Variants in RBFOX1 observed in about 807,000 individuals in gnomAD.
The protein encoded by RBFOX1 is RNA binding protein fox-1 homolog 1.
A neutral mutation model predicts 57.7 loss-of-function variants in RBFOX1; 8 were observed. That is an observed-to-expected ratio of 0.14 (90% CI 0.08 to 0.25). The LOEUF (loss-of-function observed/expected upper bound fraction) is 0.25, where lower values mean the gene tolerates loss of function less well. Ranked by LOEUF, RBFOX1 falls within the 10% of genes least tolerant of loss-of-function variation. The pLI is 1.00. For missense variants in RBFOX1, 611 were observed against 548.5 expected (o/e 1.11, Z -1.14); for synonymous variants, 326 against 222.4 (o/e 1.47, Z -4.15).
intron 3 of RBFOX1, among the ~76,000 whole-genome samples, chr16:5,722,824 C>G (rs564332377): frequency 6.6e-6 from 1 of 152,318 alleles, no homozygotes; most frequent in Admixed American, 6.5e-5. Context: ...TCTGAGGAGT[C>G]TCCCAAGACC....
intron 3 of RBFOX1, among the ~76,000 whole-genome samples, chr16:6,679,462 T>G (rs185050118): frequency 2.6e-5 from 4 of 152,262 alleles, no homozygotes; most frequent in Non-Finnish European, 1.5e-5. Context: ...CACTTTCCTT[T>G]CTTTGACCTG....
chr16:6,690,154 A>C (rs1170947028), intron 3 of RBFOX1, among the ~76,000 whole-genome samples: 1 of 152,220 alleles, frequency 6.6e-6, no homozygotes, highest in Non-Finnish European at 1.5e-5. Context: ...CTAGCTTATA[A>C]GGATTGAATA....
At chr16:6,330,452 G>C (rs1298180683) in intron 2 of RBFOX1, among the ~76,000 whole-genome samples, 1 of 152,164 alleles carries the variant, frequency 6.6e-6, no homozygotes, top group Non-Finnish European at 1.5e-5. Flanking sequence ...TGAAGGCTTT[G>C]AAAAGGGATA....
At chr16:6,218,126 T>C (rs1310923396) in intron 1 of RBFOX1, among the ~76,000 whole-genome samples, 2 of 152,166 alleles carry the variant, frequency 1.3e-5, no homozygotes, top group Non-Finnish European at 2.9e-5. Context: ...ATGAGTCCCA[T>C]ACACATTATT....
chr16:6,417,022 AT>A (rs938382932), intron 2 of RBFOX1, among the ~76,000 whole-genome samples: 2 of 151,436 alleles, frequency 1.3e-5, no homozygotes, highest in African/African-American at 4.8e-5. Flanking sequence ...CTTTCTTTTT[AT>A]TTTTTTGAGA....
chr16:5,898,545 C>G (rs1203052765), intron 4 of RBFOX1, among the ~76,000 whole-genome samples: 1 of 147,534 alleles, frequency 6.8e-6, no homozygotes, highest in Non-Finnish European at 1.5e-5. Context: ...TTTTGGTCAT[C>G]TACATGTAAA....
At chr16:6,412,677 T>C (rs1011366863) in intron 2 of RBFOX1, among the ~76,000 whole-genome samples, 2 of 152,232 alleles carry the variant, frequency 1.3e-5, no homozygotes, top group Non-Finnish European at 2.9e-5. Flanking sequence ...TATTTCTTTT[T>C]AGAAGAAAAT....
Position 5,248,964 on chromosome 16 carries a change from G to A in RBFOX1, c.219+8859G>A, listed in dbSNP as rs377192838. ...GATTGTGCCAGTGCACTCCAGCCTG[G>A]ACAACAGAGCAAGACTCCATCTCAA... On this transcript the variant is annotated intron_variant, in intron 1 of 2. Coordinates refer to the RBFOX1 transcript ENST00000585867. 3.3e-3 allele frequency among the ~76,000 whole-genome samples: 400 copies of A among 120,844 alleles called. 3 individuals carry two copies. The Middle Eastern group carries it at 0.1, about 31-fold the overall frequency. The allele number at this position is 120,844 out of a possible 152,430, so 79.3% of individuals were successfully genotyped here. A position where few individuals can be genotyped will look rare whatever the true frequency, so the allele number is the denominator to read the frequency against.
chr16:6,716,467 T>C (rs932997422), intron 3 of RBFOX1, among the ~76,000 whole-genome samples: 11 of 152,234 alleles, frequency 7.2e-5, no homozygotes, highest in Admixed American at 2.6e-4. Flanking sequence ...ATTTTCCATA[T>C]TTTTGGCTAA....
At chr16:6,020,088 C>G (rs2095037598) in intron 1 of RBFOX1, 96 bp downstream of exon 1, 1 of 1,291,590 alleles carries the variant, frequency 7.7e-7, no homozygotes, top group African/African-American at 1.5e-5. Context: ...TCCCCGAGAA[C>G]TGGCCTCCTC....
At chr16:7,190,397 C>G (rs934837524) in intron 4 of RBFOX1, among the ~76,000 whole-genome samples, 3 of 152,132 alleles carry the variant, frequency 2.0e-5, no homozygotes, top group Admixed American at 1.3e-4. Flanking sequence ...AAAAATAAAA[C>G]TTCCCTCATT....
chr16:6,494,619 A>T (rs902991510), intron 2 of RBFOX1, among the ~76,000 whole-genome samples: 1 of 152,228 alleles, frequency 6.6e-6, no homozygotes, highest in Admixed American at 6.5e-5. Flanking sequence ...TGACCATCAC[A>T]CATAAAGCTG....
chr16:7,269,031 C>G (rs1369676176), intron 4 of RBFOX1, among the ~76,000 whole-genome samples: 1 of 118,506 alleles, frequency 8.4e-6, no homozygotes, highest in Admixed American at 1.0e-4. Context: ...AGTGAGACTC[C>G]ATCTTCCATC....
At chr16:6,523,238 T>C (rs997021669) in intron 2 of RBFOX1, among the ~76,000 whole-genome samples, 6 of 151,414 alleles carry the variant, frequency 4.0e-5, no homozygotes, top group African/African-American at 1.5e-4. Context: ...ACTTGGGAAA[T>C]ACCTGAGGAG....
At chr16:6,896,466 A>G (rs2066943190) in intron 3 of RBFOX1, among the ~76,000 whole-genome samples, 1 of 152,060 alleles carries the variant, frequency 6.6e-6, no homozygotes, top group Non-Finnish European at 1.5e-5. Flanking sequence ...GTCTATGTAC[A>G]TGAGTTCAAT....
chr16:6,838,332 C>G (rs865843019), intron 3 of RBFOX1, among the ~76,000 whole-genome samples: 2 of 152,078 alleles, frequency 1.3e-5, no homozygotes, highest in Non-Finnish European at 2.9e-5. Context: ...TCCAGCTTCA[C>G]CCATGTCCCT....
intron 14 of RBFOX1, among the ~76,000 whole-genome samples, chr16:7,701,761 C>G (rs1169042847): frequency 2.0e-5 from 3 of 152,156 alleles, no homozygotes; most frequent in Non-Finnish European, 4.4e-5. Flanking sequence ...GAGTATTTCC[C>G]TAAATTCACT....
intron 1 of RBFOX1, among the ~76,000 whole-genome samples, chr16:6,287,486 G>T (rs1485893102): frequency 1.3e-5 from 2 of 152,066 alleles, no homozygotes; most frequent in African/African-American, 4.8e-5. Flanking sequence ...AGGTGTTAGG[G>T]CTGCAATACC....
At chr16:6,876,374 C>G (rs1217386759) in intron 3 of RBFOX1, among the ~76,000 whole-genome samples, 2 of 151,990 alleles carry the variant, frequency 1.3e-5, no homozygotes, top group East Asian at 1.9e-4. Context: ...TTAATACCAT[C>G]CAACCCCTGA....
Sources: allele counts gnomAD v4.1 joint callset (sites outside exome capture counted in the v4.1 genomes callset), GRCh38; gene constraint gnomAD v4.1.1; transcripts MANE v1.5; gene names NCBI Gene and HGNC (gene_info 2026-07-23, HGNC 2026-07-21).